PSMD1: variants seen among roughly 807,000 people sequenced by gnomAD.
PSMD1 encodes the protein 26S proteasome non-ATPase regulatory subunit 1.
Under a neutral mutation model 119.0 loss-of-function variants are expected in PSMD1, and 18 were observed. The observed-to-expected ratio is 0.15, with a 90% CI of 0.10 to 0.22. The LOEUF is 0.22. Ranked by LOEUF, PSMD1 falls within the 10% of genes least tolerant of loss-of-function variation. The probability of loss-of-function intolerance (pLI) is 1.00; values close to 1 mark genes in which losing one functional copy is unlikely to be tolerated. For synonymous variants in PSMD1, 374 were observed against 396.6 expected (o/e 0.94, Z 0.68); for missense variants, 702 against 1,158.5 (o/e 0.61, Z 5.72).
Position 231,077,111 on chromosome 2 carries a change from G to A in PSMD1, c.1020G>A (p.Gln340=). 1.3e-6 allele frequency: 2 copies of A among 1,595,378 alleles called. No homozygotes were observed. The highest frequency in any genetic ancestry group is 2.3e-5 in the East Asian group (1 of 44,410). Residue 340 remains glutamine (Q), a synonymous_variant, in exon 9 of 25, where the codon CAG becomes CAA. Coordinates refer to ENST00000308696, the MANE Select transcript of PSMD1 (RefSeq NM_002807.4). The part of the protein sequence containing the change: ...SGEMAIELHL[Q]FLIRNNNTDL... ...AAATGGCTATTGAGTTACATCTGCA[G>A]TTCTTAATACGAAACAATAATACAG...
At chr2:231,096,447 A>C (rs1177636438) in intron 16 of PSMD1, among the ~76,000 whole-genome samples, 1 of 152,138 alleles carries the variant, frequency 6.6e-6, no homozygotes, top group Non-Finnish European at 1.5e-5. Context: ...AAGGCCCATA[A>C]CATTAGAGAT....
chr2:231,138,884 T>C, intron 17 of PSMD1, 34 bp downstream of exon 17: 1 of 1,495,358 alleles, frequency 6.7e-7, no homozygotes, highest in Non-Finnish European at 9.3e-7. Flanking sequence ...CAGTTCTTTC[T>C]TGGCGCCAGA....
At chr2:231,140,802 C>T (rs1008249928) in intron 17 of PSMD1, among the ~76,000 whole-genome samples, 5 of 152,052 alleles carry the variant, frequency 3.3e-5, no homozygotes, top group African/African-American at 1.2e-4. Context: ...TGCTTGAACC[C>T]AGGAGGTGGA....
chr2:231,098,546 C>T (rs529685446), intron 16 of PSMD1, among the ~76,000 whole-genome samples: 20 of 151,104 alleles, frequency 1.3e-4, no homozygotes, highest in Admixed American at 4.0e-4. Context: ...CCTCTCTTTC[C>T]CCTTTCTCTT....
chr2:231,103,217 T>G (rs1397426663), intron 16 of PSMD1, among the ~76,000 whole-genome samples: 2 of 152,232 alleles, frequency 1.3e-5, no homozygotes, highest in African/African-American at 4.8e-5. Context: ...CCATATAGCA[T>G]GGTATTTCTT....
At chr2:231,163,422 G>T (rs1374672568) in intron 20 of PSMD1, 3 of 463,790 alleles carry the variant, frequency 6.5e-6, no homozygotes, top group African/African-American at 5.9e-5. Context: ...CCATTCAAAG[G>T]CACAGAGATT....
intron 16 of PSMD1, among the ~76,000 whole-genome samples, chr2:231,098,467 TTCTCTC>T (rs916329488): frequency 6.7e-6 from 1 of 149,704 alleles, no homozygotes; most frequent in African/African-American, 2.5e-5. Flanking sequence ...CTCTGTCTCT[TTCTCTC>T]TCTCTCTGTC....
intron 4 of PSMD1, among the ~76,000 whole-genome samples, chr2:231,065,242 A>T (rs1028080894): frequency 6.6e-6 from 1 of 151,188 alleles, no homozygotes; most frequent in Non-Finnish European, 1.5e-5. Context: ...TGTATATGTC[A>T]TTCCTCTTGG....
At chr2:231,153,383 C>T in intron 18 of PSMD1, 181 bp from the exon 19 acceptor site, 1 of 553,864 alleles carries the variant, frequency 1.8e-6, no homozygotes. Context: ...ACTAAAAAGT[C>T]ATAACACCCG....
chr2:231,159,087 C>G (rs1258671428), intron 19 of PSMD1, among the ~76,000 whole-genome samples: 4 of 151,968 alleles, frequency 2.6e-5, no homozygotes, highest in Non-Finnish European at 5.9e-5. Context: ...TGACTCCAAG[C>G]AAAATGTGAA....
chr2:231,067,080 T>G lies in PSMD1; in HGVS notation c.479T>G (p.Leu160Arg). The change falls in exon 5 of 25, where the codon CTG becomes CGG. Residue 160 changes from leucine to arginine, a missense_variant. Around this residue, in one of 9 missense-constraint regions of PSMD1, gnomAD observed 58 missense variants for 54.0 expected, o/e 1.07. Coordinates refer to ENST00000308696, the MANE Select transcript of PSMD1 (RefSeq NM_002807.4). Reference sequence around the variant, plus strand: ...GGCATTGCTCTGGAGACACGAAGACTGGACGTCTTTGAAAAGACCATACTG... The same window carrying G: ...GGCATTGCTCTGGAGACACGAAGACGGGACGTCTTTGAAAAGACCATACTG... ...AIGIALETRR[L>R]DVFEKTILES... 6.2e-7 allele frequency: 1 copy of G among 1,608,500 alleles called. No individual in the cohort carries two copies. The highest frequency in any genetic ancestry group is 8.5e-7 in the Non-Finnish European group (1 of 1,178,808).
In PSMD1 at chr2:231,087,107, T is replaced by C. The variant is rs747602189; in HGVS notation, c.1819-10T>C. The C allele has an allele frequency of 1.9e-6, 3 of 1,612,772 alleles. No individual in the cohort carries two copies. Among genetic ancestry groups the C allele is most frequent in the African/African-American group, 2.7e-5 (2 of 74,876 alleles). The stretch of plus-strand genomic sequence containing the variant: ...CATAGTATAATATAATCTTAAACTT[T>C]TCCCCCTAGGTAAGTGATGTTAATG... On this transcript the variant is annotated splice_polypyrimidine_tract_variant and intron_variant, in intron 15 of 24. Coordinates refer to ENST00000308696, the MANE Select transcript of PSMD1 (RefSeq NM_002807.4).
At chr2:231,145,691 G>A (rs1407890921) in intron 17 of PSMD1, among the ~76,000 whole-genome samples, 1 of 151,960 alleles carries the variant, frequency 6.6e-6, no homozygotes, top group Non-Finnish European at 1.5e-5. Context: ...GTCAGGAGGT[G>A]GAGACCAGCC....
intron 16 of PSMD1, among the ~76,000 whole-genome samples, chr2:231,093,494 A>G (rs2125185278): frequency 6.6e-6 from 1 of 152,114 alleles, no homozygotes; most frequent in East Asian, 1.9e-4. Context: ...GGTCCTAGCC[A>G]CACCATGGTA....
intron 16 of PSMD1, among the ~76,000 whole-genome samples, chr2:231,099,368 G>A (rs1015909441): frequency 6.6e-6 from 1 of 152,194 alleles, no homozygotes; most frequent in African/African-American, 2.4e-5. Context: ...AAGCTGACAC[G>A]TTACATCCTC....
At chr2:231,150,405 CAT>C (rs1189659129) in intron 18 of PSMD1, among the ~76,000 whole-genome samples, 1 of 150,978 alleles carries the variant, frequency 6.6e-6, no homozygotes, top group Admixed American at 6.6e-5. Context: ...TATATATACA[CAT>C]ATATAGACAT....
intron 7 of PSMD1, among the ~76,000 whole-genome samples, chr2:231,074,714 A>C (rs1015459692): frequency 6.6e-6 from 1 of 152,118 alleles, no homozygotes; most frequent in East Asian, 1.9e-4. Context: ...TACTGAAATT[A>C]GTTTTTCTAA....
At chr2:231,083,480 A>G in intron 13 of PSMD1, 87 bp from the exon 14 acceptor site, 1 of 1,377,236 alleles carries the variant, frequency 7.3e-7, no homozygotes, top group South Asian at 1.2e-5. Flanking sequence ...TTGATAGTTT[A>G]TGCAAAAAGA....
At chr2:231,103,098 G>A (rs1694907261) in intron 16 of PSMD1, among the ~76,000 whole-genome samples, 1 of 152,200 alleles carries the variant, frequency 6.6e-6, no homozygotes, top group Non-Finnish European at 1.5e-5. Context: ...ACTAGGTACA[G>A]AGTCTTCTCC....
Sources: allele counts gnomAD v4.1 joint callset (sites outside exome capture counted in the v4.1 genomes callset), GRCh38; gene constraint gnomAD v4.1.1; regional missense constraint gnomAD v4.1.1; transcripts MANE v1.5; gene names NCBI Gene and HGNC (gene_info 2026-07-23, HGNC 2026-07-21).